The following LOXHD1 variants were observed in gnomAD, a reference collection of about 807,000 sequenced individuals.
The protein encoded by LOXHD1 is lipoxygenase homology domain-containing protein 1.
In LOXHD1, 205 loss-of-function variants were observed where a neutral mutation model predicts 248.2. The ratio of observed to expected loss-of-function variants is 0.83; its 90% CI spans 0.74 to 0.93. The LOEUF is 0.93. Among genes scored for constraint, LOXHD1 ranks in the 40% least tolerant of loss-of-function variants. The pLI, the probability that LOXHD1 is intolerant of heterozygous loss-of-function variation, is 0.00. For missense variants in LOXHD1, 2,930 were observed against 2,971.6 expected (o/e 0.99, Z 0.33); for synonymous variants, 1,113 against 1,162.8 (o/e 0.96, Z 0.87).
At chr18:46,582,702 A>G (rs189945263) in intron 12 of LOXHD1, among the ~76,000 whole-genome samples, 3 of 152,174 alleles carry the variant, frequency 2.0e-5, no homozygotes, top group African/African-American at 7.2e-5. Context: ...ACCCACCCCA[A>G]ATTTGCTCAG....
intron 25 of LOXHD1, among the ~76,000 whole-genome samples, chr18:46,539,685 AT>A (rs1339482545): frequency 2.0e-5 from 3 of 152,222 alleles, no homozygotes; most frequent in African/African-American, 4.8e-5. Flanking sequence ...TAATAGAAAA[AT>A]ATCACTGTAT....
rs1336473447 is a variant in LOXHD1 at position 46,601,299 on chromosome 18, A to C, written c.1052T>G (p.Leu351Arg). The C allele has an allele frequency of 1.3e-6, 2 of 1,551,726 alleles. No individual in the cohort carries two copies. Among genetic ancestry groups the C allele is most frequent in the Non-Finnish European group, 1.7e-6 (2 of 1,147,008 alleles). Residue 351 changes from leucine (L) to arginine (R), a missense_variant, in exon 8 of 41, where the codon CTG (leucine) becomes CGG (arginine). Physicochemically the swap from Leu to Arg is moderately radical, Grantham distance 102 (BLOSUM62 -2). Coordinates refer to ENST00000642948, the MANE Select transcript of LOXHD1 (RefSeq NM_001384474.1). ...ACTCAGGGGGCTAAGGAGGACAGCCAGCTCGATGTGGAAGATGTCCGTGCG... is the reference window on the plus strand; with the variant it reads ...ACTCAGGGGGCTAAGGAGGACAGCCCGCTCGATGTGGAAGATGTCCGTGCG... Reference protein sequence around the residue: ...RGRTDIFHIELAVLLSPLSRV... With the variant: ...RGRTDIFHIERAVLLSPLSRV...
At chr18:46,542,555 T>C (rs2036609001) in intron 24 of LOXHD1, among the ~76,000 whole-genome samples, 172 bp downstream of exon 24, 1 of 152,182 alleles carries the variant, frequency 6.6e-6, no homozygotes, top group Admixed American at 6.5e-5. Flanking sequence ...CCAGAAACTC[T>C]GTGTGCAGCT....
intron 21 of LOXHD1, among the ~76,000 whole-genome samples, chr18:46,552,706 G>T (rs1409984546): frequency 2.0e-5 from 3 of 152,152 alleles, no homozygotes; most frequent in African/African-American, 4.8e-5. Context: ...GCATTCTCTT[G>T]CTTCTGTCTT....
intron 16 of LOXHD1, among the ~76,000 whole-genome samples, chr18:46,568,490 T>TCC (rs2037687130): frequency 6.6e-6 from 1 of 152,082 alleles, no homozygotes; most frequent in Admixed American, 6.5e-5. Context: ...GTGACCCTAA[T>TCC]CCCCCTTACT....
At chr18:46,554,387 AG>A (rs1364045995) in intron 21 of LOXHD1, among the ~76,000 whole-genome samples, 2 of 152,192 alleles carry the variant, frequency 1.3e-5, no homozygotes, top group Non-Finnish European at 2.9e-5. Flanking sequence ...GAGCTCATAA[AG>A]GTCATGGAGA....
In LOXHD1 at chr18:46,533,300, AT is replaced by A; in HGVS notation, c.4236del (p.Cys1413AlafsTer29). The A allele has an allele frequency of 6.4e-7, 1 of 1,551,854 alleles. No individual in the cohort carries two copies. The highest frequency in any genetic ancestry group is 8.7e-7 in the Non-Finnish European group (1 of 1,147,014). On this transcript the variant is annotated frameshift_variant, in exon 28 of 41. Transcript: ENST00000642948. LOFTEE classifies it high-confidence loss of function. ...TCAGAGGTGGCAAGCCACCGATCGC[AT>A]GGGAAAGTCAAGGTCTCTGCACCCT... ...DKDGAETLTF[P>X]CDRWLATSED...
chr18:46,479,237 T>TGC (rs954460500), intron 40 of LOXHD1, among the ~76,000 whole-genome samples: 2 of 1,888 alleles, frequency 1.1e-3, no homozygotes, highest in African/African-American at 4.2e-3. Flanking sequence ...TATATATGTA[T>TGC]GTGTGTGTGT....
At chr18:46,529,559 A>T (rs564085862) in intron 28 of LOXHD1, among the ~76,000 whole-genome samples, 1 of 152,214 alleles carries the variant, frequency 6.6e-6, no homozygotes, top group South Asian at 2.1e-4. Context: ...GCTCTATGAG[A>T]CCCCAAAAAT....
intron 40 of LOXHD1, among the ~76,000 whole-genome samples, chr18:46,479,777 CA>C (rs1323127321): frequency 4.0e-4 from 49 of 123,992 alleles, no homozygotes; most frequent in East Asian, 9.3e-4. Context: ...AAAAAAAAAA[CA>C]AAAAAAAAAA....
chr18:46,479,583 G>A (rs2032371384), intron 40 of LOXHD1, among the ~76,000 whole-genome samples: 2 of 151,948 alleles, frequency 1.3e-5, no homozygotes, highest in African/African-American at 2.4e-5. Context: ...TCCCATTGGC[G>A]AAGCTGGAGG....
intron 33 of LOXHD1, chr18:46,520,150 A>G (rs907805451): frequency 2.2e-6 from 1 of 453,366 alleles, no homozygotes; most frequent in African/African-American, 2.0e-5. Flanking sequence ...GCGCTATAGA[A>G]AGTGCTGCTC....
intron 34 of LOXHD1, among the ~76,000 whole-genome samples, chr18:46,513,389 A>G: frequency 6.6e-6 from 1 of 152,214 alleles, no homozygotes; most frequent in East Asian, 1.9e-4. Context: ...GGTAAAAAGA[A>G]AAGGGAGGTC....
chr18:46,590,663 T>G (rs538227485), intron 12 of LOXHD1, among the ~76,000 whole-genome samples: 1 of 152,144 alleles, frequency 6.6e-6, no homozygotes, highest in Non-Finnish European at 1.5e-5. Flanking sequence ...CATATTTAGA[T>G]AGATGATTGC....
At chr18:46,509,874 T>A (rs1254146482) in intron 34 of LOXHD1, 59 bp from the exon 35 acceptor site, 1 of 438,344 alleles carries the variant, frequency 2.3e-6, no homozygotes, top group East Asian at 6.3e-5. Flanking sequence ...AGGGTTGGGG[T>A]GGGCCAGGCC....
intron 4 of LOXHD1, among the ~76,000 whole-genome samples, chr18:46,637,477 C>T (rs2038907199): frequency 6.6e-6 from 1 of 152,164 alleles, no homozygotes; most frequent in Non-Finnish European, 1.5e-5. Context: ...GCAAGTTTGA[C>T]AGTGTGCTAA....
chr18:46,563,035 T>C (rs1473810413), intron 18 of LOXHD1, 30 bp downstream of exon 18: 1 of 1,521,838 alleles, frequency 6.6e-7, no homozygotes, highest in East Asian at 2.5e-5. Context: ...GAGCCTGCTG[T>C]TGGCACCCCC....
At chr18:46,549,676 G>C (rs182849614) in intron 21 of LOXHD1, among the ~76,000 whole-genome samples, 57 of 152,208 alleles carry the variant, frequency 3.7e-4, no homozygotes, top group Non-Finnish European at 4.0e-4. Flanking sequence ...CTCTTTATTA[G>C]ATAAAATTTA....
intron 35 of LOXHD1, among the ~76,000 whole-genome samples, chr18:46,509,091 TGCTG>T (rs1463470900): frequency 6.6e-6 from 1 of 152,172 alleles, no homozygotes; most frequent in Non-Finnish European, 1.5e-5. Context: ...TGCATATGTA[TGCTG>T]GGAAAAGCGG....
Sources: gnomAD v4.1 joint callset for allele counts (sites outside exome capture counted in the v4.1 genomes callset) on GRCh38, gnomAD v4.1.1 for gene constraint, MANE v1.5 for transcripts, NCBI Gene and HGNC (gene_info 2026-07-23, HGNC 2026-07-21) for gene names.